CABP7: variants seen among roughly 807,000 people sequenced by gnomAD.
CABP7 encodes the protein calcium binding protein 7, also known as calcium-binding protein 7.
CABP7 carries 13 observed loss-of-function variants against 23.1 expected under a neutral mutation model. That is an observed-to-expected ratio of 0.56 (90% CI 0.37 to 0.90). The LOEUF (loss-of-function observed/expected upper bound fraction) is 0.90. Among genes scored for constraint, CABP7 ranks in the 40% least tolerant of loss-of-function variants. CABP7 has a pLI of 0.01. For missense variants in CABP7, 248 were observed against 295.6 expected, an observed-to-expected ratio of 0.84 and a Z score of 1.18; for synonymous variants, 123 against 115.3, an observed-to-expected ratio of 1.07 and a Z score of -0.43.
chr22:29,724,634 G>C (rs73159098), intron 1 of CABP7, among the ~76,000 whole-genome samples: 4,867 of 152,222 alleles, frequency 0.032, 115 homozygotes, highest in Non-Finnish European at 0.049. Context: ...GGTGGGAGTC[G>C]GCTGGGGCAG....
At position 29,728,583 on chromosome 22, in the gene CABP7, A is replaced by G. The variant is rs758742605; in HGVS notation, c.254-47A>G. ...CCAGGACCTCTGGGCCCTGGGCTGC[A>G]GGCCTGGGCCCTACCCACTGATTGA... On this transcript the variant is annotated intron_variant, in intron 2 of 4. Coordinates refer to ENST00000216144, the MANE Select transcript of CABP7 (RefSeq NM_182527.3). 8 of 1,253,456 alleles carry G rather than the reference A, an allele frequency of 6.4e-6. No individual in the cohort carries two copies. The East Asian group carries it at 9.3e-5, about 15-fold the overall frequency. The allele number at this position is 1,253,456 out of a possible 1,614,324, so 77.6% of individuals were successfully genotyped here.
At chr22:29,724,876 C>T (rs2067784524) in intron 1 of CABP7, among the ~76,000 whole-genome samples, 2 of 152,214 alleles carry the variant, frequency 1.3e-5, no homozygotes, top group South Asian at 2.1e-4. Flanking sequence ...TGGCTCCCCT[C>T]GGCCCAGTGC....
chr22:29,731,599 C>T lies in CABP7; in HGVS notation c.*2030C>T. 1 of 472,674 alleles carries T rather than the reference C, an allele frequency of 2.1e-6. No individual in the cohort carries two copies. Among genetic ancestry groups the T allele is most frequent in the South Asian group, 2.8e-5 (1 of 35,856 alleles). The allele number at this position is 472,674 out of a possible 1,614,324, so 29.3% of individuals were successfully genotyped here. On this transcript the variant is annotated 3_prime_UTR_variant, in exon 5 of 5. Transcript: ENST00000216144. The stretch of plus-strand genomic sequence containing the variant: ...TGAGCTGCGAGACAATGGGAATAAC[C>T]TTCGTGTCCACCTGTGGGGGACTGA...
intron 1 of CABP7, among the ~76,000 whole-genome samples, chr22:29,721,952 C>T (rs147462212): frequency 3.2e-4 from 49 of 151,988 alleles, no homozygotes; most frequent in East Asian, 1.9e-4. Context: ...AGGAGGGGTA[C>T]GATGGTGGGG....
Position 29,729,594 on chromosome 22 carries a change from C to T in CABP7, c.*25C>T, listed in dbSNP as rs757392012. On this transcript the variant is annotated 3_prime_UTR_variant, in exon 5 of 5. Coordinates refer to ENST00000216144, the MANE Select transcript of CABP7 (RefSeq NM_182527.3). ...GACGCCACCTGGATGCCCCATCCAC[C>T]GCATGCGGTGCCCGTGGCCCGCCCC... 38 of 1,604,690 alleles carry T rather than the reference C, an allele frequency of 2.4e-5. No homozygotes were observed. The highest frequency in any genetic ancestry group is 1.7e-4 in the Middle Eastern group (1 of 6,044).
Position 29,729,745 on chromosome 22 carries a change from C to T in CABP7, c.*176C>T, listed in dbSNP as rs1054211024. Reference sequence around the variant, plus strand: ...CCACGGTCCTCACCTGGAGCTGTGGCCTGGCTGTGGAGGGCCGGGTGGTGG... The same window carrying T: ...CCACGGTCCTCACCTGGAGCTGTGGTCTGGCTGTGGAGGGCCGGGTGGTGG... On this transcript the variant is annotated 3_prime_UTR_variant, in exon 5 of 5. Coordinates refer to ENST00000216144, the MANE Select transcript of CABP7 (RefSeq NM_182527.3). 1.1e-5 allele frequency: 9 copies of T among 817,918 alleles called. No individual in the cohort carries two copies. Among genetic ancestry groups the T allele is most frequent in the Non-Finnish European group, 1.7e-5 (9 of 536,660 alleles). 50.7% of individuals were successfully genotyped at this position (817,918 alleles called of 1,614,324 possible).
At chr22:29,725,689 G>A (rs34347404) in intron 1 of CABP7, among the ~76,000 whole-genome samples, 24,915 of 152,166 alleles carry the variant, frequency 0.16, 2,798 homozygotes, top group African/African-American at 0.32. Context: ...GGGTTGTGTC[G>A]GGGTTTGCCA....
intron 1 of CABP7, among the ~76,000 whole-genome samples, chr22:29,725,432 C>G (rs1370526677): frequency 6.6e-6 from 1 of 152,190 alleles, no homozygotes; most frequent in Non-Finnish European, 1.5e-5. Flanking sequence ...GTCATTCATT[C>G]ATTTCATCAT....
Position 29,731,522 on chromosome 22 carries a change from C to T in CABP7, c.*1953C>T. The T allele has an allele frequency of 2.4e-6, 2 of 835,228 alleles. No individual in the cohort carries two copies. The highest frequency in any genetic ancestry group is 3.5e-6 in the Non-Finnish European group (2 of 576,380). 51.7% of individuals were successfully genotyped at this position (835,228 alleles called of 1,614,324 possible). ...ATAGGCAGACCGTTTGAGCCAGCGA[C>T]CTCACCTCTAGGAACTGAGCCCAAG... On this transcript the variant is annotated 3_prime_UTR_variant, in exon 5 of 5. Coordinates refer to ENST00000216144, the MANE Select transcript of CABP7 (RefSeq NM_182527.3).
chr22:29,723,632 C>T (rs535600951), intron 1 of CABP7, among the ~76,000 whole-genome samples: 3 of 152,288 alleles, frequency 2.0e-5, no homozygotes, highest in African/African-American at 7.2e-5. Context: ...GTGAGTGGAG[C>T]CTTCATTGAG....
rs771598397 is a variant in CABP7, at chr22:29,729,613, C to G, written c.*44C>G. 1.3e-6 allele frequency: 2 copies of G among 1,596,928 alleles called. No individual in the cohort carries two copies. The highest frequency in any genetic ancestry group is 1.7e-6 in the Non-Finnish European group (2 of 1,176,578). ...ATCCACCGCATGCGGTGCCCGTGGCCCGCCCCACACCACCGCCGCCTGCAG... is the reference window on the plus strand; with the variant it reads ...ATCCACCGCATGCGGTGCCCGTGGCGCGCCCCACACCACCGCCGCCTGCAG... On this transcript the variant is annotated 3_prime_UTR_variant, in exon 5 of 5. Transcript: ENST00000216144.
chr22:29,731,143 G>A lies in CABP7; in HGVS notation c.*1574G>A, dbSNP rs1424779294. The A allele has an allele frequency of 7.2e-7, 1 of 1,392,112 alleles. No homozygotes were observed. The highest frequency in any genetic ancestry group is 9.4e-7 in the Non-Finnish European group (1 of 1,062,890). 86.2% of individuals were successfully genotyped at this position (1,392,112 alleles called of 1,614,324 possible). A position where few individuals can be genotyped will look rare whatever the true frequency, so the allele number is the denominator to read the frequency against. ...GCAGATGGTCTCGGAGCCTCCATGG[G>A]GCGTAGCAGGAACCGGGCTTGGCTT... On this transcript the variant is annotated 3_prime_UTR_variant, in exon 5 of 5. Coordinates refer to ENST00000216144, the MANE Select transcript of CABP7 (RefSeq NM_182527.3).
At chr22:29,726,131 G>A (rs112010711) in intron 1 of CABP7, among the ~76,000 whole-genome samples, 12 of 152,124 alleles carry the variant, frequency 7.9e-5, no homozygotes, top group Admixed American at 4.6e-4. Context: ...CCATTGGTTA[G>A]GAGACGAGAT....
rs1467781829 is a variant in CABP7, at chr22:29,727,337, G to A, written c.110-325G>A. On this transcript the variant is annotated intron_variant, in intron 1 of 4. Coordinates refer to ENST00000216144, the MANE Select transcript of CABP7 (RefSeq NM_182527.3). This position sits in a 1 kb window ranked among gnomAD's most constrained non-coding sequence, Gnocchi z 4.2. ...CAGCCGCGGGGGCCGGGGAGATCCA[G>A]CATCCTCCCCTGCACGTGGTCCCCA... 6.6e-6 allele frequency among the ~76,000 whole-genome samples: 1 copy of A among 152,188 alleles called. No homozygotes were observed. The highest frequency in any genetic ancestry group is 1.5e-5 in the Non-Finnish European group (1 of 68,032).
intron 1 of CABP7, among the ~76,000 whole-genome samples, chr22:29,721,600 C>G (rs2147205009): frequency 1.3e-5 from 2 of 152,224 alleles, no homozygotes; most frequent in East Asian, 3.9e-4. Flanking sequence ...GCAGCCAAGA[C>G]CAGCACAGTC....
chr22:29,729,115 G>A lies in CABP7; in HGVS notation c.427G>A (p.Glu143Lys), dbSNP rs1189301500. 6 of 1,611,590 alleles carry A rather than the reference G, an allele frequency of 3.7e-6. No individual in the cohort carries two copies. Among genetic ancestry groups the A allele is most frequent in the Non-Finnish European group, 5.1e-6 (6 of 1,179,990 alleles). The change falls in exon 4 of 5, where the codon GAG (glutamate) becomes AAG (lysine). Residue 143 changes from glutamate (E) to lysine (K), a missense_variant. By Grantham distance (56) the Glu-to-Lys change is moderately conservative. Coordinates refer to ENST00000216144, the MANE Select transcript of CABP7 (RefSeq NM_182527.3). ...GCGGCTGCTCTACGACACCTTCTGC[G>A]AGCACCTGTCCATGAAGGACATAGA... ...LKRLLYDTFC[E>K]HLSMKDIENI...
rs1450172803 is a variant in CABP7 at position 29,731,606 on chromosome 22, TC to T, written c.*2039del. On this transcript the variant is annotated 3_prime_UTR_variant, in exon 5 of 5. Transcript: ENST00000216144. ...CGAGACAATGGGAATAACCTTCGTG[TC>T]CACCTGTGGGGGACTGATTCAATAC... 1.1e-5 allele frequency: 5 copies of T among 459,410 alleles called. No individual in the cohort carries two copies. The highest frequency in any genetic ancestry group is 1.9e-5 in the Non-Finnish European group (5 of 263,276). The allele number at this position is 459,410 out of a possible 1,614,324, so 28.5% of individuals were successfully genotyped here.
intron 1 of CABP7, among the ~76,000 whole-genome samples, chr22:29,724,475 C>T (rs2067781913): frequency 6.6e-6 from 1 of 152,232 alleles, no homozygotes; most frequent in Non-Finnish European, 1.5e-5. Flanking sequence ...CTTAATCATC[C>T]CAGCAGCCCC....
rs1484579480 is a variant in CABP7 at position 29,730,310 on chromosome 22, G to GC, written c.*747dup. On this transcript the variant is annotated 3_prime_UTR_variant, in exon 5 of 5. Transcript: ENST00000216144. ...GATGGGCATCTGAGGTGGCCCTGCAGCCCCCCACCTTCTGGCCCTCCCACC... is the reference window on the plus strand; with the variant it reads ...GATGGGCATCTGAGGTGGCCCTGCAGCCCCCCCACCTTCTGGCCCTCCCACC... The GC allele has an allele frequency of 2.0e-5, 3 of 152,702 alleles. No individual in the cohort carries two copies. Among genetic ancestry groups the GC allele is most frequent in the African/African-American group, 4.8e-5 (2 of 41,442 alleles). 9.5% of individuals were successfully genotyped at this position (152,702 alleles called of 1,614,324 possible). A position where few individuals can be genotyped will look rare whatever the true frequency, so the allele number is the denominator to read the frequency against.
Sources: allele counts gnomAD v4.1 joint callset (sites outside exome capture counted in the v4.1 genomes callset), GRCh38; gene constraint gnomAD v4.1.1; non-coding constraint Gnocchi (gnomAD v3.1); transcripts MANE v1.5; gene names NCBI Gene and HGNC (gene_info 2026-07-23, HGNC 2026-07-21).